The following RSPH14 variants were observed in gnomAD, a reference collection of about 807,000 sequenced individuals.
RSPH14 encodes the protein rhabdoid tumor deletion region gene 1.
In RSPH14, 20 loss-of-function variants were observed where a neutral mutation model predicts 26.7. That is an observed-to-expected ratio of 0.75 (90% CI 0.53 to 1.09). RSPH14 has a LOEUF of 1.09. RSPH14 is among the 50% of genes least tolerant of loss of function. The probability of loss-of-function intolerance (pLI) is 0.00; values close to 1 mark genes in which losing one functional copy is unlikely to be tolerated. For synonymous variants in RSPH14, 177 were observed against 189.3 expected, an observed-to-expected ratio of 0.93 and a Z score of 0.53; for missense variants, 449 against 457.2, an observed-to-expected ratio of 0.98 and a Z score of 0.16.
intron 4 of RSPH14, among the ~76,000 whole-genome samples, chr22:23,102,662 A>C (rs1208248239): frequency 6.6e-6 from 1 of 152,202 alleles, no homozygotes; most frequent in Non-Finnish European, 1.5e-5. Context: ...CCTCATCATC[A>C]TGAACCTGGT....
chr22:23,060,291 G>C (rs894598965), intron 6 of RSPH14, among the ~76,000 whole-genome samples: 3 of 152,008 alleles, frequency 2.0e-5, no homozygotes, highest in Non-Finnish European at 4.4e-5. Context: ...CTAACACAGT[G>C]AAACCCCGTC....
At chr22:23,102,349 T>C (rs1329541678) in intron 4 of RSPH14, among the ~76,000 whole-genome samples, 1 of 152,308 alleles carries the variant, frequency 6.6e-6, no homozygotes, top group East Asian at 1.9e-4. Context: ...TCCTGGCACC[T>C]ATTTGAGGCC....
intron 4 of RSPH14, among the ~76,000 whole-genome samples, chr22:23,117,779 C>T (rs1480770915): frequency 6.6e-6 from 1 of 152,214 alleles, no homozygotes; most frequent in Non-Finnish European, 1.5e-5. Flanking sequence ...CAGCATGCAC[C>T]GGCAGTGAGT....
At chr22:23,116,201 G>A (rs1384482661) in intron 4 of RSPH14, among the ~76,000 whole-genome samples, 2 of 152,272 alleles carry the variant, frequency 1.3e-5, no homozygotes, top group African/African-American at 4.8e-5. Flanking sequence ...AGGCTGCCAG[G>A]TGAGGGGCTG....
chr22:23,100,457 G>A (rs1216357151), intron 4 of RSPH14, among the ~76,000 whole-genome samples: 1 of 152,244 alleles, frequency 6.6e-6, no homozygotes, highest in Non-Finnish European at 1.5e-5. Flanking sequence ...GTATCCAGGG[G>A]ACGGGGGACA....
intron 4 of RSPH14, among the ~76,000 whole-genome samples, chr22:23,128,695 G>A (rs1048490775): frequency 7.9e-5 from 12 of 152,194 alleles, no homozygotes; most frequent in Admixed American, 7.9e-4. Flanking sequence ...CATGACACAG[G>A]GGAAGAAACT....
chr22:23,145,342 G>T, upstream of RSPH14: 3 of 1,527,296 alleles, frequency 2.0e-6, no homozygotes, highest in Non-Finnish European at 2.7e-6. Flanking sequence ...GCCCCGCCCA[G>T]ACTCCAGGCA....
the RSPH14 span, among the ~76,000 whole-genome samples, chr22:23,153,933 C>T: frequency 1.3e-5 from 2 of 152,126 alleles, no homozygotes; most frequent in African/African-American, 4.8e-5. Context: ...AAGTGCTCCA[C>T]CCGCTTCAGC....
chr22:23,069,902 G>A (rs2068295843), intron 4 of RSPH14, among the ~76,000 whole-genome samples: 1 of 152,198 alleles, frequency 6.6e-6, no homozygotes, highest in Non-Finnish European at 1.5e-5. Flanking sequence ...GGTTGCCCAA[G>A]GACGTAGAGC....
intron 4 of RSPH14, chr22:23,096,172 C>T (rs1412507158): frequency 6.2e-7 from 1 of 1,613,190 alleles, no homozygotes; most frequent in Admixed American, 1.7e-5. Context: ...ACCTGAACGA[C>T]CTGGAGCGCA....
chr22:23,158,798 C>A, the RSPH14 span: 1 of 1,050,786 alleles, frequency 9.5e-7, no homozygotes, highest in Non-Finnish European at 1.5e-6. Flanking sequence ...TCCCTCCCAG[C>A]CCAGCACTTC....
intron 3 of RSPH14, among the ~76,000 whole-genome samples, chr22:23,135,767 A>C (rs926551883): frequency 2.0e-5 from 3 of 152,064 alleles, no homozygotes; most frequent in Admixed American, 6.5e-5. Context: ...AACCATTTAA[A>C]GGAAACCATT....
chr22:23,153,286 C>T, the RSPH14 span: 343 of 665,044 alleles, frequency 5.2e-4, 1 homozygote, highest in Middle Eastern at 1.3e-3. Flanking sequence ...CTTCCTGGCT[C>T]CCAGAGCCCC....
At chr22:23,144,309 C>G (rs75030980), upstream of RSPH14, among the ~76,000 whole-genome samples, 4,653 of 152,120 alleles carry the variant, frequency 0.031, 244 homozygotes, top group African/African-American at 0.11. Context: ...GACACCATGT[C>G]CGTTCTCTTT....
chr22:23,153,072 C>A, the RSPH14 span: 1 of 1,614,130 alleles, frequency 6.2e-7, no homozygotes, highest in South Asian at 1.1e-5. Flanking sequence ...ACAAGGCCAC[C>A]ATTGGGGTGG....
At chr22:23,082,356 C>T (rs918475817) in intron 4 of RSPH14, among the ~76,000 whole-genome samples, 20 of 149,438 alleles carry the variant, frequency 1.3e-4, no homozygotes, top group African/African-American at 2.2e-4. Context: ...GGATTACAGG[C>T]GCACACCACC....
chr22:23,116,102 A>T (rs990966818), intron 4 of RSPH14, among the ~76,000 whole-genome samples: 1 of 152,270 alleles, frequency 6.6e-6, no homozygotes, highest in Non-Finnish European at 1.5e-5. Context: ...CGTGCCCAGG[A>T]CCACGTCTGT....
At chr22:23,070,327 G>A (rs1360025740) in intron 4 of RSPH14, 2 of 144,678 alleles carry the variant, frequency 1.4e-5, no homozygotes, top group Admixed American at 1.4e-4. Context: ...GCGGCGGCGC[G>A]GCGCGGGGCG....
intron 4 of RSPH14, among the ~76,000 whole-genome samples, chr22:23,115,244 C>T (rs1406652654): frequency 6.6e-6 from 1 of 152,164 alleles, no homozygotes; most frequent in Non-Finnish European, 1.5e-5. Flanking sequence ...ACAACACAGT[C>T]CGGGGGCCCC....
Sources: allele counts gnomAD v4.1 joint callset (sites outside exome capture counted in the v4.1 genomes callset), GRCh38; gene constraint gnomAD v4.1.1; transcripts MANE v1.5; gene names NCBI Gene and HGNC (gene_info 2026-07-23, HGNC 2026-07-21).